Variants in TBC1D1 observed in about 807,000 individuals in gnomAD.
TBC1D1 encodes TBC1 (tre-2/USP6, BUB2, cdc16) domain family, member 1.
In TBC1D1, 89 loss-of-function variants were observed where a neutral mutation model predicts 125.6. The ratio of observed to expected loss-of-function variants is 0.71; its 90% CI spans 0.60 to 0.85. TBC1D1 has a LOEUF of 0.85. Ranked by LOEUF, TBC1D1 falls within the 40% of genes least tolerant of loss-of-function variation. The pLI is 0.00. For synonymous variants in TBC1D1, 565 were observed against 564.1 expected (o/e 1.00, Z -0.02); for missense variants, 1,377 against 1,469.2 (o/e 0.94, Z 1.03).
intron 12 of TBC1D1, among the ~76,000 whole-genome samples, chr4:38,087,845 C>CAAA (rs1215951890): frequency 7.4e-5 from 5 of 67,866 alleles, no homozygotes; most frequent in Admixed American, 2.1e-4. Flanking sequence ...GATTCCGTCT[C>CAAA]AAAAAAAAAA....
Position 38,020,592 on chromosome 4 carries a change from G to A in TBC1D1, c.974G>A (p.Gly325Asp), listed in dbSNP as rs1305709257. ...CATCTCGTTCTCTCCCTTTGGCAGG[G>A]CATCAGACACGTGGACCACTTTGGG... Residue 325 changes from glycine to aspartate, a missense_variant and splice_region_variant, in exon 5 of 20, where the codon GGC becomes GAC. Gly to Asp is a moderately conservative substitution (Grantham distance 94, BLOSUM62 -1). This residue lies in a region of TBC1D1 where 822 missense variants were observed against 824.6 expected (regional missense o/e 1.00). Coordinates refer to ENST00000261439, the MANE Select transcript of TBC1D1 (RefSeq NM_015173.4). 2 of 1,611,874 alleles carry A rather than the reference G, an allele frequency of 1.2e-6. No individual in the cohort carries two copies. The highest frequency in any genetic ancestry group is 1.7e-6 in the Non-Finnish European group (2 of 1,178,642).
chr4:38,066,596 A>C (rs977201391), intron 12 of TBC1D1, among the ~76,000 whole-genome samples: 1 of 152,056 alleles, frequency 6.6e-6, no homozygotes, highest in Non-Finnish European at 1.5e-5. Context: ...GACTCCCAAC[A>C]TGCTGGGATT....
At chr4:38,136,270 AG>A (rs773030008) in intron 19 of TBC1D1, among the ~76,000 whole-genome samples, 1 of 152,212 alleles carries the variant, frequency 6.6e-6, no homozygotes, top group Non-Finnish European at 1.5e-5. Context: ...ATTATGTGCT[AG>A]GTGCTGAGGA....
intron 2 of TBC1D1, among the ~76,000 whole-genome samples, chr4:37,999,024 A>G (rs373781829): frequency 1.3e-5 from 2 of 152,200 alleles, no homozygotes; most frequent in East Asian, 3.9e-4. Flanking sequence ...AAGCAGGTGG[A>G]TCACTTGGGA....
At chr4:38,013,823 C>T (rs1742035264) in intron 2 of TBC1D1, among the ~76,000 whole-genome samples, 1 of 152,114 alleles carries the variant, frequency 6.6e-6, no homozygotes, top group African/African-American at 2.4e-5. Flanking sequence ...CCCTGGTGAG[C>T]CTGTTTGCTG....
chr4:37,960,423 C>T, intron 2 of TBC1D1: 6 of 1,604,272 alleles, frequency 3.7e-6, no homozygotes, highest in Non-Finnish European at 5.1e-6. Context: ...TTGAGAGCGG[C>T]AATAATCCAG....
intron 2 of TBC1D1, among the ~76,000 whole-genome samples, chr4:37,918,631 A>T (rs1720233013): frequency 6.6e-6 from 1 of 152,096 alleles, no homozygotes; most frequent in African/African-American, 2.4e-5. Context: ...TATTTTTAGT[A>T]GAGATGGGTT....
At chr4:37,895,234 A>G (rs1714303209) in intron 1 of TBC1D1, among the ~76,000 whole-genome samples, 1 of 152,174 alleles carries the variant, frequency 6.6e-6, no homozygotes, top group South Asian at 2.1e-4. Flanking sequence ...TAAACACACT[A>G]TGATAATGTG....
Position 37,983,154 on chromosome 4 carries a change from C to T in TBC1D1, c.418-31355C>T, listed in dbSNP as rs555022597. Among the ~76,000 whole-genome samples, 1,196 of 141,970 alleles carry T rather than the reference C, an allele frequency of 8.4e-3. 7 individuals carry two copies. Among genetic ancestry groups the T allele is most frequent in the South Asian group, 0.035 (158 of 4,502 alleles). The allele number at this position is 141,970 out of a possible 152,430, so 93.1% of individuals were successfully genotyped here. A position where few individuals can be genotyped will look rare whatever the true frequency, so the allele number is the denominator to read the frequency against. ...TTTTTTTTTTTTTCAGACGGAGTCT[C>T]GCTCTGTCACCAGGCTGGAGTGCAG... On this transcript the variant is annotated intron_variant, in intron 2 of 19. Transcript: ENST00000261439.
At chr4:37,996,580 G>A (rs868678254) in intron 2 of TBC1D1, among the ~76,000 whole-genome samples, 4 of 152,228 alleles carry the variant, frequency 2.6e-5, no homozygotes, top group Non-Finnish European at 4.4e-5. Context: ...TTGAACACAT[G>A]TGATAAGTTT....
intron 2 of TBC1D1, chr4:37,952,739 C>T (rs1428165751): frequency 1.3e-5 from 2 of 152,432 alleles, no homozygotes; most frequent in Non-Finnish European, 2.9e-5. Context: ...CACACATTTA[C>T]CTATGTAACA....
chr4:38,123,650 A>G (rs1764205405), intron 17 of TBC1D1, among the ~76,000 whole-genome samples: 1 of 152,242 alleles, frequency 6.6e-6, no homozygotes, highest in Non-Finnish European at 1.5e-5. Flanking sequence ...CTGAGCCATC[A>G]GTAGTTGTGA....
At chr4:38,020,528 G>T (rs1743782958) in intron 4 of TBC1D1, 63 bp from the exon 5 acceptor site, 2 of 1,299,236 alleles carry the variant, frequency 1.5e-6, no homozygotes, top group South Asian at 2.4e-5. Flanking sequence ...ATCTTGAGGT[G>T]CATTTCTGAG....
chr4:38,017,304 G>T (rs1347891156), intron 3 of TBC1D1, among the ~76,000 whole-genome samples: 1 of 152,164 alleles, frequency 6.6e-6, no homozygotes, highest in Non-Finnish European at 1.5e-5. Context: ...TATTGTGTTG[G>T]CTCCTACTCT....
At chr4:37,966,218 G>A (rs895284515) in intron 2 of TBC1D1, among the ~76,000 whole-genome samples, 2 of 152,202 alleles carry the variant, frequency 1.3e-5, no homozygotes, top group African/African-American at 4.8e-5. Flanking sequence ...TAGGCTAGCA[G>A]CAAGCACCTG....
At chr4:38,128,225 T>C (rs1353880880) in intron 18 of TBC1D1, among the ~76,000 whole-genome samples, 3 of 152,056 alleles carry the variant, frequency 2.0e-5, no homozygotes, top group Admixed American at 2.0e-4. Context: ...TTATCAGTGG[T>C]CCTTATAGAA....
intron 12 of TBC1D1, among the ~76,000 whole-genome samples, chr4:38,085,496 C>T (rs769776540): frequency 3.9e-5 from 6 of 152,214 alleles, no homozygotes; most frequent in African/African-American, 7.2e-5. Context: ...AATATCATTT[C>T]TCACATTTTA....
At chr4:38,044,287 G>A in intron 8 of TBC1D1, 75 bp from the exon 9 acceptor site, 2 of 1,510,258 alleles carry the variant, frequency 1.3e-6, no homozygotes, top group Middle Eastern at 1.8e-4. Flanking sequence ...AAAAAGATGT[G>A]TCCTAGAGAT....
intron 15 of TBC1D1, among the ~76,000 whole-genome samples, chr4:38,106,135 A>G (rs1761261022): frequency 6.6e-6 from 1 of 152,122 alleles, no homozygotes; most frequent in Non-Finnish European, 1.5e-5. Flanking sequence ...CTCGGCTTCT[A>G]GGACAGTGGC....
Sources: gnomAD v4.1 joint callset for allele counts (sites outside exome capture counted in the v4.1 genomes callset) on GRCh38, gnomAD v4.1.1 for gene constraint, gnomAD v4.1.1 regional missense constraint, MANE v1.5 for transcripts, NCBI Gene and HGNC (gene_info 2026-07-23, HGNC 2026-07-21) for gene names.